The following GTPBP6 variants were observed in gnomAD, a reference collection of about 807,000 sequenced individuals.
The protein encoded by GTPBP6 is putative GTP-binding protein 6.
GTPBP6 carries 33 observed loss-of-function variants against 28.9 expected under a neutral mutation model. The observed-to-expected ratio is 1.14, with a 90% confidence interval of 0.87 to 1.53. The LOEUF is 1.53. Among genes scored for constraint, GTPBP6 ranks in the 40% most tolerant of loss-of-function variants. GTPBP6 has a pLI of 0.00. For missense variants in GTPBP6, 507 were observed against 408.3 expected, an observed-to-expected ratio of 1.24 and a Z score of -2.08; for synonymous variants, 231 against 192.7, an observed-to-expected ratio of 1.20 and a Z score of -1.65.
exon 1 of GTPBP6, chrX:318,581 G>C (rs2070483501): frequency 2.5e-6 from 1 of 397,840 alleles, no homozygotes; most frequent in Non-Finnish European, 4.4e-6. Flanking sequence ...GCTCCTCCTC[G>C]TCGTCTCCCG....
chrX:317,695 AACCCCACCCCACCCCACCCCACCCC>A (rs1205733115), intron 1 of GTPBP6, among the ~76,000 whole-genome samples: 1 of 74,812 alleles, frequency 1.3e-5, no homozygotes, highest in South Asian at 6.1e-4. Flanking sequence ...CGGCCCACCC[AACCCCACCCCACCCCACCCCACCCC>A]ACCCCACCCC....
chrX:314,693 G>A (rs1208112657), intron 4 of GTPBP6, among the ~76,000 whole-genome samples, 197 bp downstream of exon 4: 1 of 151,940 alleles, frequency 6.6e-6, no homozygotes, highest in Admixed American at 6.6e-5. Flanking sequence ...GGCCAGGATG[G>A]TCTCGATCTC....
intron 2 of GTPBP6, among the ~76,000 whole-genome samples, chrX:316,204 A>G (rs2070436389): frequency 1.0e-5 from 1 of 99,100 alleles, no homozygotes; most frequent in Non-Finnish European, 2.2e-5. Context: ...AGAGACACAC[A>G]CAAACACAGT....
chrX:304,944 C>T (rs1181758697), exon 10 of GTPBP6: 14 of 1,475,552 alleles, frequency 9.5e-6, no homozygotes, highest in African/African-American at 2.8e-5. Flanking sequence ...TGGCTGGGAG[C>T]GAGACGGGTG....
chrX:314,768 G>A lies in GTPBP6; in HGVS notation c.689+122C>T, dbSNP rs1436736339. ...TGGGATGACAGGCGTGAGCCACCGCGCCCGGCCCCCATGGTGCTTTTCTTC... is the reference window on the plus strand; with the variant it reads ...TGGGATGACAGGCGTGAGCCACCGCACCCGGCCCCCATGGTGCTTTTCTTC... On this transcript the variant is annotated intron_variant, in intron 4 of 9. Coordinates refer to ENST00000326153, the Ensembl canonical transcript of GTPBP6. 1,136 of 412,312 alleles carry A rather than the reference G, an allele frequency of 2.8e-3. 6 individuals carry two copies. Among genetic ancestry groups the A allele is most frequent in the African/African-American group, 0.017 (850 of 48,922 alleles). The allele number at this position is 412,312 out of a possible 1,614,324, so 25.5% of individuals were successfully genotyped here.
At chrX:308,958 G>T (rs373427473) in intron 7 of GTPBP6, among the ~76,000 whole-genome samples, 5 of 151,856 alleles carry the variant, frequency 3.3e-5, no homozygotes, top group East Asian at 1.9e-4. Context: ...CTCCTGACCT[G>T]AAGTGATCCA....
At chrX:307,211 C>G in intron 9 of GTPBP6, 149 bp downstream of exon 9, 1 of 692,914 alleles carries the variant, frequency 1.4e-6, no homozygotes, top group Non-Finnish European at 2.4e-6. Context: ...CACAAATGTA[C>G]ATTTGATGCA....
chrX:313,762 C>A (rs1335430077), intron 5 of GTPBP6, among the ~76,000 whole-genome samples: 4 of 152,140 alleles, frequency 2.6e-5, no homozygotes, highest in Non-Finnish European at 1.5e-5. Context: ...TGCCTGGAGC[C>A]CCCAGGAGCT....
At position 311,418 on chromosome X, in the gene GTPBP6, C is replaced by G; in HGVS notation, c.1125+1G>C. 1 of 1,608,064 alleles carries G rather than the reference C, an allele frequency of 6.2e-7. No homozygotes were observed. The highest frequency in any genetic ancestry group is 8.5e-7 in the Non-Finnish European group (1 of 1,177,100). ...CCGATCCCCGGCCGTCCCACGCTCA[C>G]CGAGTGGGCCACGTCTTCCAGGGTG... On this transcript the variant is annotated splice_donor_variant, in intron 7 of 9. Transcript: ENST00000326153. LOFTEE classifies it high-confidence loss of function.
chrX:311,610 T>C lies in GTPBP6; in HGVS notation c.934A>G (p.Lys312Glu), dbSNP rs1379602401. The change falls in exon 7 of 10, where the codon AAG (lysine) becomes GAG (glutamate). Residue 312 changes from lysine (K) to glutamate (E), a missense_variant. Transcript: ENST00000326153. ...ATGGCGGCATCGCCCGTCAGTGCCT[T>C]GATCAGCGTGGTCTTTCCTAGGAGG... 2.5e-6 allele frequency: 4 copies of C among 1,611,846 alleles called. No homozygotes were observed. In the Admixed American group the frequency reaches 6.7e-5, roughly 27 times the overall value.
At chrX:306,894 G>T (rs754212404) in intron 9 of GTPBP6, among the ~76,000 whole-genome samples, 10 of 83,858 alleles carry the variant, frequency 1.2e-4, no homozygotes, top group Non-Finnish European at 1.9e-4. Context: ...TGTACATTTT[G>T]ACTGTCAGCA....
intron 7 of GTPBP6, among the ~76,000 whole-genome samples, chrX:308,953 G>C (rs2070229558): frequency 6.6e-6 from 1 of 151,860 alleles, no homozygotes; most frequent in African/African-American, 2.4e-5. Context: ...TCGATCTCCT[G>C]ACCTGAAGTG....
At chrX:315,271 C>A (rs1452255847) in exon 3 of GTPBP6, 1 of 398,436 alleles carries the variant, frequency 2.5e-6, no homozygotes, top group East Asian at 3.6e-5. Flanking sequence ...GGAAGACGCA[C>A]GTGATGTCTG....
intron 7 of GTPBP6, among the ~76,000 whole-genome samples, chrX:310,843 C>A (rs745753864): frequency 5.3e-5 from 8 of 152,024 alleles, no homozygotes; most frequent in Admixed American, 1.3e-4. Flanking sequence ...GCCTCAGGAC[C>A]CCACAGGTGT....
At chrX:305,039 A>G in exon 10 of GTPBP6, 1 of 1,608,162 alleles carries the variant, frequency 6.2e-7, no homozygotes. Flanking sequence ...CCAGGCAGCG[A>G]TGCCCCCACC....
intron 2 of GTPBP6, among the ~76,000 whole-genome samples, chrX:315,553 GACACACACACACACACAC>G (rs1215331200): frequency 3.6e-5 from 4 of 110,392 alleles, no homozygotes; most frequent in Non-Finnish European, 5.9e-5. Flanking sequence ...TACACACGCA[GACACACACACACACACAC>G]ACACACACAC....
At chrX:317,174 G>T (rs1184223700) in intron 1 of GTPBP6, 123 bp from the exon 2 acceptor site, 1 of 398,076 alleles carries the variant, frequency 2.5e-6, no homozygotes, top group Non-Finnish European at 4.4e-6. Flanking sequence ...TTGAGCCGCC[G>T]TTTGTCCCCC....
chrX:310,962 G>A (rs1450558585), intron 7 of GTPBP6, among the ~76,000 whole-genome samples: 3 of 152,032 alleles, frequency 2.0e-5, no homozygotes, highest in Admixed American at 6.6e-5. Context: ...GGTCTGTGAC[G>A]TGGAGCAGGT....
At chrX:314,072 C>G (rs2070375343) in intron 5 of GTPBP6, 78 bp downstream of exon 5, 3 of 1,125,406 alleles carry the variant, frequency 2.7e-6, no homozygotes, top group Non-Finnish European at 2.7e-6. Context: ...TTGGAATCTT[C>G]CAGGGCTGAG....
Sources: gnomAD v4.1 joint callset for allele counts (sites outside exome capture counted in the v4.1 genomes callset) on GRCh38, gnomAD v4.1.1 for gene constraint, MANE v1.5 for transcripts, NCBI Gene and HGNC (gene_info 2026-07-23, HGNC 2026-07-21) for gene names.